NIPAL2: variants seen among roughly 807,000 people sequenced by gnomAD.
The protein encoded by NIPAL2 is NIPA like domain containing 2, also known as NIPA-like protein 2.
A neutral mutation model predicts 48.9 loss-of-function variants in NIPAL2; 43 were observed. The observed-to-expected ratio is 0.88, with a 90% CI of 0.69 to 1.13. The LOEUF (loss-of-function observed/expected upper bound fraction) is 1.13. Ranked by LOEUF, NIPAL2 falls within the 50% of genes most tolerant of loss-of-function variation. NIPAL2 has a pLI of 0.00. For missense variants in NIPAL2, 446 were observed against 461.4 expected, an observed-to-expected ratio of 0.97 and a Z score of 0.31; for synonymous variants, 167 against 174.6, an observed-to-expected ratio of 0.96 and a Z score of 0.34.
chr8:98,233,781 C>A (rs1479748981), intron 4 of NIPAL2, among the ~76,000 whole-genome samples: 1 of 151,958 alleles, frequency 6.6e-6, no homozygotes, highest in Non-Finnish European at 1.5e-5. Flanking sequence ...TTATTTTTTC[C>A]TAAGCCTTAC....
At chr8:98,240,543 T>C (rs1162371164) in intron 3 of NIPAL2, among the ~76,000 whole-genome samples, 1 of 152,144 alleles carries the variant, frequency 6.6e-6, no homozygotes, top group East Asian at 1.9e-4. Context: ...TGGCGGATGG[T>C]GCTATTGCAG....
At chr8:98,200,793 T>A (rs1220492393) in intron 8 of NIPAL2, among the ~76,000 whole-genome samples, 1 of 152,238 alleles carries the variant, frequency 6.6e-6, no homozygotes, top group Non-Finnish European at 1.5e-5. Context: ...TTGTTGTTTT[T>A]TCTTGTTAAT....
intron 1 of NIPAL2, among the ~76,000 whole-genome samples, chr8:98,286,856 G>C (rs1816206500): frequency 6.6e-6 from 1 of 150,432 alleles, no homozygotes; most frequent in South Asian, 2.1e-4. Context: ...CAAACACGTT[G>C]AGACTGACCA....
intron 6 of NIPAL2, among the ~76,000 whole-genome samples, chr8:98,208,668 C>CA (rs1563488797): frequency 1.3e-5 from 2 of 152,070 alleles, no homozygotes. Context: ...AGGCTGGTCT[C>CA]AAACTCCTGA....
intron 5 of NIPAL2, among the ~76,000 whole-genome samples, chr8:98,218,629 ATGAC>A (rs1170662072): frequency 6.6e-6 from 1 of 152,214 alleles, no homozygotes; most frequent in African/African-American, 2.4e-5. Flanking sequence ...GCAGGGCACT[ATGAC>A]TGATGGCCTG....
In NIPAL2 at chr8:98,254,095, A is replaced by C; in HGVS notation, c.136-8T>G. On this transcript the variant is annotated splice_polypyrimidine_tract_variant and splice_region_variant and intron_variant, in intron 1 of 10. Coordinates refer to ENST00000430223, the MANE Select transcript of NIPAL2 (RefSeq NM_001321635.2). Reference sequence around the variant, plus strand: ...AACTCCAAAAAGGTGAATCTGTAAAAGAAAATGTTTTCCTTAAATAATACT... The same window carrying C: ...AACTCCAAAAAGGTGAATCTGTAAACGAAAATGTTTTCCTTAAATAATACT... 1 of 1,606,110 alleles carries C rather than the reference A, an allele frequency of 6.2e-7. No homozygotes were observed. The highest frequency in any genetic ancestry group is 8.5e-7 in the Non-Finnish European group (1 of 1,174,324).
At chr8:98,256,632 A>T (rs983365386) in intron 1 of NIPAL2, among the ~76,000 whole-genome samples, 4 of 18,922 alleles carry the variant, frequency 2.1e-4, no homozygotes, top group African/African-American at 2.6e-4. Context: ...GGCTATAATT[A>T]AAAAAAAAAA....
intron 3 of NIPAL2, among the ~76,000 whole-genome samples, chr8:98,249,082 G>C (rs1813436595): frequency 6.6e-6 from 1 of 152,282 alleles, no homozygotes; most frequent in Middle Eastern, 3.4e-3. Flanking sequence ...GGGAATCTCA[G>C]ATGTGTTCAG....
intron 3 of NIPAL2, among the ~76,000 whole-genome samples, chr8:98,250,175 C>G (rs1294295125): frequency 6.6e-6 from 1 of 152,150 alleles, no homozygotes; most frequent in African/African-American, 2.4e-5. Context: ...AAAGAATATG[C>G]AATTTCCCAA....
At chr8:98,226,977 C>G (rs534203267) in intron 4 of NIPAL2, among the ~76,000 whole-genome samples, 1 of 152,202 alleles carries the variant, frequency 6.6e-6, no homozygotes, top group Non-Finnish European at 1.5e-5. Context: ...ACCAAAACCA[C>G]AAGACAAAGT....
chr8:98,227,898 C>T (rs1812256171), intron 4 of NIPAL2, among the ~76,000 whole-genome samples: 1 of 152,234 alleles, frequency 6.6e-6, no homozygotes, highest in South Asian at 2.1e-4. Context: ...TTTTAGCCCA[C>T]AGTGGCAAGG....
intron 1 of NIPAL2, among the ~76,000 whole-genome samples, chr8:98,261,651 A>C (rs1276769252): frequency 5.2e-4 from 66 of 127,836 alleles, no homozygotes; most frequent in African/African-American, 1.9e-3. Flanking sequence ...TCTACGTCTG[A>C]TTGGTGTACC....
At chr8:98,269,510 C>T (rs930219556) in intron 1 of NIPAL2, among the ~76,000 whole-genome samples, 4 of 152,130 alleles carry the variant, frequency 2.6e-5, no homozygotes, top group Non-Finnish European at 4.4e-5. Context: ...AGAGGAATGT[C>T]TTTTTCTGAG....
At chr8:98,193,325 A>G in intron 10 of NIPAL2, 1 of 1,584,080 alleles carries the variant, frequency 6.3e-7, no homozygotes, top group Non-Finnish European at 8.7e-7. Flanking sequence ...CAGGATCTAC[A>G]TGCTGGCCAT....
At chr8:98,211,480 C>G (rs906755048) in intron 6 of NIPAL2, among the ~76,000 whole-genome samples, 1 of 151,988 alleles carries the variant, frequency 6.6e-6, no homozygotes, top group Admixed American at 6.6e-5. Flanking sequence ...TTTTCTAGTA[C>G]AAAGGAGAGA....
intron 1 of NIPAL2, among the ~76,000 whole-genome samples, chr8:98,280,757 TATATAGAGAG>T (rs1815765385): frequency 1.0e-4 from 3 of 29,316 alleles, no homozygotes. Context: ...TATATATATA[TATATAGAGAG>T]AGAGAGAGAG....
At chr8:98,200,056 A>G (rs1810731638) in intron 8 of NIPAL2, among the ~76,000 whole-genome samples, 1 of 152,072 alleles carries the variant, frequency 6.6e-6, no homozygotes, top group Non-Finnish European at 1.5e-5. Context: ...TAGGTCAAAC[A>G]ATCCTACCGC....
intron 1 of NIPAL2, among the ~76,000 whole-genome samples, chr8:98,264,583 G>C (rs1814586763): frequency 6.6e-6 from 1 of 151,072 alleles, no homozygotes; most frequent in Non-Finnish European, 1.5e-5. Flanking sequence ...GGGATGTGAA[G>C]GACCTCTTCA....
intron 4 of NIPAL2, among the ~76,000 whole-genome samples, chr8:98,228,794 C>G (rs1406610712): frequency 6.6e-6 from 1 of 152,274 alleles, no homozygotes; most frequent in East Asian, 1.9e-4. Context: ...GGGGCTGTCT[C>G]TAAGGAGATA....
Sources: gnomAD v4.1 joint callset for allele counts (sites outside exome capture counted in the v4.1 genomes callset) on GRCh38, gnomAD v4.1.1 for gene constraint, MANE v1.5 for transcripts, NCBI Gene and HGNC (gene_info 2026-07-23, HGNC 2026-07-21) for gene names.